Variants in PKHD1 observed in about 807,000 individuals in gnomAD.
PKHD1 encodes fibrocystin.
A neutral mutation model predicts 412.0 loss-of-function variants in PKHD1; 291 were observed. The ratio of observed to expected loss-of-function variants is 0.71; its 90% CI spans 0.64 to 0.78. The LOEUF is 0.78. PKHD1 is among the 30% of genes least tolerant of loss of function. The pLI is 0.00. For missense variants in PKHD1, 4,825 were observed against 4,950.7 expected (o/e 0.97, Z 0.76); for synonymous variants, 1,777 against 1,821.5 (o/e 0.98, Z 0.62).
At chr6:51,986,307 C>T (rs79115681) in intron 35 of PKHD1, among the ~76,000 whole-genome samples, 2,680 of 152,226 alleles carry the variant, frequency 0.018, 50 homozygotes, top group African/African-American at 0.045. Flanking sequence ...CACACCAAAC[C>T]TCATGTACTT....
At chr6:51,864,920 T>C (rs1014031954) in intron 48 of PKHD1, among the ~76,000 whole-genome samples, 14 of 152,172 alleles carry the variant, frequency 9.2e-5, no homozygotes, top group Non-Finnish European at 1.6e-4. Context: ...TTTCGTGTAA[T>C]TATTTCTATA....
intron 36 of PKHD1, among the ~76,000 whole-genome samples, chr6:51,953,060 A>G (rs1246726676): frequency 6.6e-6 from 1 of 152,120 alleles, no homozygotes; most frequent in African/African-American, 2.4e-5. Flanking sequence ...ATTTGAAGTC[A>G]GGCTCCAGTT....
chr6:51,636,702 C>T (rs1470252240), intron 64 of PKHD1, among the ~76,000 whole-genome samples: 3 of 152,114 alleles, frequency 2.0e-5, no homozygotes, highest in African/African-American at 4.8e-5. Flanking sequence ...TGTGAATATA[C>T]GCTGCTTTCC....
At chr6:51,939,668 T>C (rs1159644655) in intron 36 of PKHD1, among the ~76,000 whole-genome samples, 1 of 151,538 alleles carries the variant, frequency 6.6e-6, no homozygotes, top group Non-Finnish European at 1.5e-5. Flanking sequence ...CTTTTACACA[T>C]TGTTTCCTCC....
At chr6:51,884,774 G>A (rs1420030360) in intron 45 of PKHD1, among the ~76,000 whole-genome samples, 2 of 152,048 alleles carry the variant, frequency 1.3e-5, no homozygotes, top group Non-Finnish European at 2.9e-5. Flanking sequence ...CAAGAGCAGG[G>A]AGACAGAGTT....
At chr6:52,047,621 C>A in intron 23 of PKHD1, among the ~76,000 whole-genome samples, 1 of 152,194 alleles carries the variant, frequency 6.6e-6, no homozygotes, top group East Asian at 1.9e-4. Context: ...CTGAAATCCT[C>A]CATAGTACAT....
chr6:51,723,870 T>C (rs1210661555), intron 60 of PKHD1, among the ~76,000 whole-genome samples: 2 of 152,142 alleles, frequency 1.3e-5, no homozygotes, highest in Admixed American at 6.6e-5. Flanking sequence ...CTGAGCACTT[T>C]TGAATTAAAA....
In PKHD1 at chr6:51,732,936, A is replaced by G. The variant is rs1783398094; in HGVS notation, c.10156+11449T>C. Among the ~76,000 whole-genome samples the G allele has an allele frequency of 1.3e-5, 2 of 152,224 alleles. 1 individual carries two copies. The highest frequency in any genetic ancestry group is 4.1e-4 in the South Asian group (2 of 4,826). Reference sequence around the variant, plus strand: ...AAGCAAAATGTGGTAAGTTCATGCAATGGAATGAAATTCCATAATATGCTA... The same window carrying G: ...AAGCAAAATGTGGTAAGTTCATGCAGTGGAATGAAATTCCATAATATGCTA... On this transcript the variant is annotated intron_variant, in intron 60 of 66. Transcript: ENST00000371117.
chr6:51,618,447 G>C lies in PKHD1; in HGVS notation c.*634C>G, dbSNP rs944709942. On this transcript the variant is annotated 3_prime_UTR_variant, in exon 67 of 67. Coordinates refer to ENST00000371117, the MANE Select transcript of PKHD1 (RefSeq NM_138694.4). ...CCCATGAGAATATCAATTTTCATGTGTAAATCCTCATGAAGTGCAAATTTG... is the reference window on the plus strand; with the variant it reads ...CCCATGAGAATATCAATTTTCATGTCTAAATCCTCATGAAGTGCAAATTTG... 6.5e-6 allele frequency: 1 copy of C among 153,948 alleles called. No individual in the cohort carries two copies. Among genetic ancestry groups the C allele is most frequent in the Non-Finnish European group, 1.4e-5 (1 of 69,230 alleles). The allele number at this position is 153,948 out of a possible 1,614,324, so 9.5% of individuals were successfully genotyped here. A position where few individuals can be genotyped will look rare whatever the true frequency, so the allele number is the denominator to read the frequency against.
At position 51,922,535 on chromosome 6, in the gene PKHD1, C is replaced by T. The variant is rs1001814948; in HGVS notation, c.6122-9959G>A. On this transcript the variant is annotated intron_variant, in intron 37 of 66. Coordinates refer to ENST00000371117, the MANE Select transcript of PKHD1 (RefSeq NM_138694.4). ...CTGCTGCCTTTTGTTCAGCTATGCCCTGCCCCGAGAGGTAGAGTCTACAGA... is the reference window on the plus strand; with the variant it reads ...CTGCTGCCTTTTGTTCAGCTATGCCTTGCCCCGAGAGGTAGAGTCTACAGA... Among the ~76,000 whole-genome samples the T allele has an allele frequency of 5.3e-5, 8 of 152,370 alleles. No homozygotes were observed. In the South Asian group the frequency reaches 1.7e-3, roughly 32 times the overall value.
chr6:51,733,792 T>G (rs1248301604), intron 60 of PKHD1, among the ~76,000 whole-genome samples: 1 of 152,208 alleles, frequency 6.6e-6, no homozygotes, highest in African/African-American at 2.4e-5. Flanking sequence ...TACTCTGTCA[T>G]GCCAAAAGGC....
At chr6:51,630,316 C>A (rs925090772) in intron 65 of PKHD1, among the ~76,000 whole-genome samples, 1 of 152,094 alleles carries the variant, frequency 6.6e-6, no homozygotes, top group Non-Finnish European at 1.5e-5. Flanking sequence ...TATACTTCAG[C>A]AAAAACAATA....
chr6:51,906,365 A>C (rs1352621164), intron 40 of PKHD1, 25 bp from the exon 41 acceptor site: 3 of 1,598,424 alleles, frequency 1.9e-6, no homozygotes, highest in Non-Finnish European at 1.7e-6. Context: ...GTAAAGTAAA[A>C]ATTAGATATG....
At chr6:51,852,539 T>C (rs1772469445) in intron 49 of PKHD1, among the ~76,000 whole-genome samples, 2 of 152,290 alleles carry the variant, frequency 1.3e-5, no homozygotes, top group South Asian at 2.1e-4. Context: ...GGAGTCTAAG[T>C]CTCTTTGTAG....
chr6:51,903,043 C>T (rs753273691), intron 43 of PKHD1, among the ~76,000 whole-genome samples: 3 of 152,090 alleles, frequency 2.0e-5, no homozygotes, highest in Non-Finnish European at 4.4e-5. Context: ...CAAAAATCAG[C>T]ACCCAGAGTT....
intron 60 of PKHD1, among the ~76,000 whole-genome samples, chr6:51,706,177 C>G (rs1779995859): frequency 6.6e-6 from 1 of 152,042 alleles, no homozygotes; most frequent in Admixed American, 6.6e-5. Flanking sequence ...ACAATTGAAA[C>G]AGCTCATTGA....
At chr6:51,689,142 T>C (rs1429969850) in intron 60 of PKHD1, among the ~76,000 whole-genome samples, 3 of 151,962 alleles carry the variant, frequency 2.0e-5, no homozygotes, top group African/African-American at 7.2e-5. Context: ...CAAAAGCTTA[T>C]CCATCAAGAT....
intron 48 of PKHD1, among the ~76,000 whole-genome samples, 169 bp downstream of exon 48, chr6:51,867,694 T>G (rs1197404531): frequency 6.6e-6 from 1 of 152,176 alleles, no homozygotes; most frequent in Non-Finnish European, 1.5e-5. Context: ...AGCTTAAAAC[T>G]ACCATACACT....
chr6:51,986,310 A>C (rs1028442816), intron 35 of PKHD1, among the ~76,000 whole-genome samples: 1 of 152,232 alleles, frequency 6.6e-6, no homozygotes, highest in African/African-American at 2.4e-5. Flanking sequence ...ACCAAACCTC[A>C]TGTACTTCTT....
Sources: allele counts gnomAD v4.1 joint callset (sites outside exome capture counted in the v4.1 genomes callset), GRCh38; gene constraint gnomAD v4.1.1; transcripts MANE v1.5; gene names NCBI Gene and HGNC (gene_info 2026-07-23, HGNC 2026-07-21).